PCDH9: variants seen among roughly 807,000 people sequenced by gnomAD.
PCDH9 encodes the protein protocadherin-9.
A neutral mutation model predicts 70.6 loss-of-function variants in PCDH9; 24 were observed. The ratio of observed to expected loss-of-function variants is 0.34; its 90% CI spans 0.25 to 0.48. The LOEUF (loss-of-function observed/expected upper bound fraction) is 0.48. Ranked by LOEUF, PCDH9 falls within the 20% of genes least tolerant of loss-of-function variation. The probability of loss-of-function intolerance (pLI) is 0.99; values close to 1 mark genes in which losing one functional copy is unlikely to be tolerated. For synonymous variants in PCDH9, 562 were observed against 558.5 expected (o/e 1.01, Z -0.09); for missense variants, 1,281 against 1,503.6 (o/e 0.85, Z 2.45).
chr13:66,988,486 G>C (rs1456299367), intron 2 of PCDH9, among the ~76,000 whole-genome samples: 2 of 151,920 alleles, frequency 1.3e-5, no homozygotes, highest in Non-Finnish European at 2.9e-5. Context: ...GTTGGACAAG[G>C]TGTTACATTC....
chr13:67,039,983 T>C (rs2085080474), intron 2 of PCDH9, among the ~76,000 whole-genome samples: 1 of 151,986 alleles, frequency 6.6e-6, no homozygotes, highest in Non-Finnish European at 1.5e-5. Flanking sequence ...TGAGAATTGG[T>C]TGGTGTGGAA....
intron 3 of PCDH9, among the ~76,000 whole-genome samples, chr13:66,769,651 A>G (rs546674473): frequency 6.6e-6 from 1 of 152,266 alleles, no homozygotes; most frequent in East Asian, 1.9e-4. Flanking sequence ...TCTTTCTGCA[A>G]TGGAAGTTAA....
At chr13:66,560,834 T>G (rs75239768) in intron 4 of PCDH9, among the ~76,000 whole-genome samples, 19,074 of 152,268 alleles carry the variant, frequency 0.13, 1,433 homozygotes, top group Middle Eastern at 0.23. Context: ...CTCAACATCA[T>G]TCCAGAAGTC....
chr13:66,458,874 A>G (rs1000390177), intron 4 of PCDH9, among the ~76,000 whole-genome samples: 3 of 152,148 alleles, frequency 2.0e-5, no homozygotes, highest in Middle Eastern at 3.4e-3. Context: ...ACTGTATTAA[A>G]TTTCTCACAA....
At chr13:66,553,409 C>T (rs1331470975) in intron 4 of PCDH9, among the ~76,000 whole-genome samples, 1 of 152,190 alleles carries the variant, frequency 6.6e-6, no homozygotes, top group Non-Finnish European at 1.5e-5. Context: ...AAAATTCTTA[C>T]TGATACAGGT....
chr13:67,124,027 A>G (rs189216195), intron 2 of PCDH9, among the ~76,000 whole-genome samples: 16 of 152,308 alleles, frequency 1.1e-4, no homozygotes, highest in Admixed American at 7.8e-4. Context: ...CCATGACTGA[A>G]TATGAATCAT....
intron 3 of PCDH9, among the ~76,000 whole-genome samples, chr13:66,874,502 CATT>C: frequency 6.6e-6 from 1 of 152,198 alleles, no homozygotes; most frequent in East Asian, 1.9e-4. Context: ...CACAGTCAGT[CATT>C]AATTAAAATA....
chr13:66,967,581 C>CTTATT (rs1462514271), intron 2 of PCDH9, among the ~76,000 whole-genome samples: 4 of 151,804 alleles, frequency 2.6e-5, no homozygotes, highest in African/African-American at 4.8e-5. Context: ...CAAGTTTACC[C>CTTATT]AAATCCATAG....
chr13:66,353,860 A>G (rs1334397), intron 4 of PCDH9, among the ~76,000 whole-genome samples: 146,599 of 152,246 alleles, frequency 0.96, 70,809 homozygotes, highest in East Asian at 1. Flanking sequence ...AGTAAAGAGA[A>G]AATTGTAAAT....
chr13:67,110,533 A>T (rs1594525363), intron 2 of PCDH9, among the ~76,000 whole-genome samples: 1 of 151,796 alleles, frequency 6.6e-6, no homozygotes, highest in Middle Eastern at 3.4e-3. Context: ...AAAAAAAAAA[A>T]AAGGGACATT....
intron 4 of PCDH9, among the ~76,000 whole-genome samples, chr13:66,373,155 A>G (rs969168549): frequency 6.6e-6 from 1 of 152,024 alleles, no homozygotes; most frequent in Non-Finnish European, 1.5e-5. Flanking sequence ...TTATTTAGCC[A>G]CAACAGGGAA....
At chr13:66,975,682 T>C (rs934227942) in intron 2 of PCDH9, among the ~76,000 whole-genome samples, 5 of 151,970 alleles carry the variant, frequency 3.3e-5, no homozygotes, top group African/African-American at 1.2e-4. Flanking sequence ...AATGCTCTCA[T>C]TCAGCAAACC....
In PCDH9 at chr13:67,034,290, C is replaced by T. The variant is rs979652777; in HGVS notation, c.3037-130685G>A. Among the ~76,000 whole-genome samples, 19 of 151,996 alleles carry T rather than the reference C, an allele frequency of 1.3e-4. 1 individual carries two copies. Among genetic ancestry groups the T allele is most frequent in the South Asian group, 4.2e-4 (2 of 4,810 alleles). ...GAGCCACCGTGCCCAGCCAGGATTG[C>T]GTTTTAATATTTATAAATAAAAGGG... On this transcript the variant is annotated intron_variant, in intron 2 of 4. Coordinates refer to ENST00000377865, the MANE Select transcript of PCDH9 (RefSeq NM_203487.3).
At chr13:67,205,489 C>A (rs2089316742) in intron 2 of PCDH9, 1 of 152,174 alleles carries the variant, frequency 6.6e-6, no homozygotes, top group African/African-American at 2.4e-5. Context: ...ATGCAAGGTT[C>A]AGAATTCTAA....
intron 3 of PCDH9, among the ~76,000 whole-genome samples, chr13:66,737,467 T>G (rs574738781): frequency 6.6e-6 from 1 of 152,248 alleles, no homozygotes; most frequent in Admixed American, 6.5e-5. Context: ...TTAATGTAAA[T>G]TAAAATTTGG....
chr13:67,183,961 C>T (rs946699602), intron 2 of PCDH9, among the ~76,000 whole-genome samples: 2 of 152,154 alleles, frequency 1.3e-5, no homozygotes, highest in African/African-American at 4.8e-5. Flanking sequence ...AATTTTCAGA[C>T]ATATTTGCAA....
chr13:67,041,213 C>T (rs896641196), intron 2 of PCDH9, among the ~76,000 whole-genome samples: 24 of 151,976 alleles, frequency 1.6e-4, no homozygotes, highest in Non-Finnish European at 2.9e-4. Flanking sequence ...GGAGAGATGG[C>T]GTGGGATAGT....
intron 2 of PCDH9, among the ~76,000 whole-genome samples, chr13:67,104,529 T>C (rs963319781): frequency 3.9e-5 from 6 of 152,188 alleles, no homozygotes; most frequent in Non-Finnish European, 7.3e-5. Flanking sequence ...TAACTAAACT[T>C]ATAAATCATA....
At chr13:66,306,887 C>G (rs1955477216) in intron 4 of PCDH9, among the ~76,000 whole-genome samples, 1 of 151,946 alleles carries the variant, frequency 6.6e-6, no homozygotes, top group Admixed American at 6.6e-5. Flanking sequence ...TTTTAGGCTC[C>G]CTTAGGTGTA....
Sources: allele counts gnomAD v4.1 joint callset (sites outside exome capture counted in the v4.1 genomes callset), GRCh38; gene constraint gnomAD v4.1.1; transcripts MANE v1.5; gene names NCBI Gene and HGNC (gene_info 2026-07-23, HGNC 2026-07-21).